Variants in RBFOX1 observed in about 807,000 individuals in gnomAD.
RBFOX1 encodes RNA binding protein fox-1 homolog 1.
RBFOX1 carries 8 observed loss-of-function variants against 57.7 expected under a neutral mutation model. The observed-to-expected ratio is 0.14, with a 90% CI of 0.08 to 0.25. RBFOX1 has a LOEUF of 0.25. Among genes scored for constraint, RBFOX1 ranks in the 10% least tolerant of loss-of-function variants. The pLI, the probability that RBFOX1 is intolerant of heterozygous loss-of-function variation, is 1.00. For missense variants in RBFOX1, 611 were observed against 548.5 expected (o/e 1.11, Z -1.14); for synonymous variants, 326 against 222.4 (o/e 1.47, Z -4.15).
At chr16:6,505,795 G>C (rs1425748175) in intron 2 of RBFOX1, among the ~76,000 whole-genome samples, 1 of 152,186 alleles carries the variant, frequency 6.6e-6, no homozygotes, top group Non-Finnish European at 1.5e-5. Flanking sequence ...CTTGGAGGCA[G>C]TGGTTCTGAT....
chr16:5,621,506 C>G (rs78992359), intron 3 of RBFOX1, among the ~76,000 whole-genome samples: 1 of 152,056 alleles, frequency 6.6e-6, no homozygotes, highest in Non-Finnish European at 1.5e-5. Flanking sequence ...CTATCAACCA[C>G]GGATGAATTG....
At chr16:6,948,245 A>G (rs1456762170) in intron 3 of RBFOX1, among the ~76,000 whole-genome samples, 3 of 152,236 alleles carry the variant, frequency 2.0e-5, no homozygotes, top group Admixed American at 6.5e-5. Context: ...CAGCCTGGGC[A>G]ATATTATGAG....
At chr16:5,769,268 G>A (rs1003344374) in intron 3 of RBFOX1, among the ~76,000 whole-genome samples, 2 of 151,918 alleles carry the variant, frequency 1.3e-5, no homozygotes, top group Non-Finnish European at 2.9e-5. Context: ...TTGGAGACAG[G>A]GTGTTTATGG....
At chr16:5,336,390 C>A (rs1314824661) in intron 1 of RBFOX1, among the ~76,000 whole-genome samples, 1 of 152,204 alleles carries the variant, frequency 6.6e-6, no homozygotes, top group Non-Finnish European at 1.5e-5. Context: ...TGAATCCCCA[C>A]TATCCTCATC....
Position 6,596,569 on chromosome 16 carries a change from G to C in RBFOX1, c.-63-58034G>C, listed in dbSNP as rs375881099. 7.0e-5 allele frequency among the ~76,000 whole-genome samples: 10 copies of C among 143,314 alleles called. No individual in the cohort carries two copies. In the East Asian group the frequency reaches 1.9e-3, roughly 28 times the overall value. 94.0% of individuals were successfully genotyped at this position (143,314 alleles called of 152,430 possible). On this transcript the variant is annotated intron_variant, in intron 2 of 15. Coordinates refer to ENST00000550418, the MANE Select transcript of RBFOX1 (RefSeq NM_018723.4). ...CATCAGCCTCAACTCTAGGATAAGA[G>C]ATGGGTAATTCTTAATGAGAACAGA...
intron 4 of RBFOX1, among the ~76,000 whole-genome samples, chr16:5,964,759 G>GTATA (rs146848508): frequency 4.0e-5 from 6 of 149,324 alleles, no homozygotes; most frequent in East Asian, 2.0e-4. Flanking sequence ...GTGTGTATAT[G>GTATA]TATATATATA....
chr16:6,585,235 C>T (rs2097591119), intron 2 of RBFOX1, among the ~76,000 whole-genome samples: 1 of 152,212 alleles, frequency 6.6e-6, no homozygotes, highest in Non-Finnish European at 1.5e-5. Flanking sequence ...TATCATCTTT[C>T]CTATCTTACA....
chr16:6,089,609 G>A (rs915216643), intron 1 of RBFOX1, among the ~76,000 whole-genome samples: 14 of 152,170 alleles, frequency 9.2e-5, no homozygotes, highest in Admixed American at 2.0e-4. Context: ...ATATTGCTGG[G>A]GCGGGTCTTT....
chr16:7,093,447 T>G (rs531965227), intron 4 of RBFOX1, among the ~76,000 whole-genome samples: 11 of 152,192 alleles, frequency 7.2e-5, no homozygotes, highest in Non-Finnish European at 1.3e-4. Context: ...AGTCACATCT[T>G]TAATGTTGCT....
intron 1 of RBFOX1, among the ~76,000 whole-genome samples, chr16:6,064,992 C>T (rs2053937): frequency 0.93 from 140,696 of 151,826 alleles, 65,252 homozygotes; most frequent in African/African-American, 0.96. Context: ...CCCTACGTGA[C>T]TGTTTTTCTA....
At chr16:5,497,539 G>A (rs921321566) in intron 2 of RBFOX1, among the ~76,000 whole-genome samples, 2 of 151,500 alleles carry the variant, frequency 1.3e-5, no homozygotes, top group African/African-American at 2.4e-5. Flanking sequence ...CTTTGGGAGG[G>A]TGAGAGGCGG....
At chr16:5,792,613 T>C (rs998623789) in intron 3 of RBFOX1, among the ~76,000 whole-genome samples, 1 of 152,018 alleles carries the variant, frequency 6.6e-6, no homozygotes, top group Admixed American at 6.6e-5. Flanking sequence ...GAGGCTGAGG[T>C]GGGTGGATCA....
intron 2 of RBFOX1, among the ~76,000 whole-genome samples, chr16:5,554,273 T>A (rs148859243): frequency 5.3e-5 from 8 of 152,098 alleles, no homozygotes; most frequent in African/African-American, 1.9e-4. Context: ...GCCTGGCCTT[T>A]TTCTATGTAT....
intron 2 of RBFOX1, among the ~76,000 whole-genome samples, chr16:6,510,911 T>C (rs2096243243): frequency 6.6e-6 from 1 of 151,826 alleles, no homozygotes; most frequent in South Asian, 2.1e-4. Flanking sequence ...AGTGGCTGAC[T>C]CATAATTTTA....
chr16:6,980,165 G>T (rs188267151), intron 3 of RBFOX1, among the ~76,000 whole-genome samples: 2 of 152,098 alleles, frequency 1.3e-5, no homozygotes, highest in Non-Finnish European at 2.9e-5. Context: ...TTAAGCCTCC[G>T]CAGTTAGGAT....
At chr16:5,820,439 G>A (rs2055804002) in intron 3 of RBFOX1, among the ~76,000 whole-genome samples, 1 of 152,178 alleles carries the variant, frequency 6.6e-6, no homozygotes, top group Non-Finnish European at 1.5e-5. Context: ...CACGTGGCTG[G>A]ACCGTGCCGG....
intron 2 of RBFOX1, among the ~76,000 whole-genome samples, chr16:6,363,493 GT>G (rs1352204852): frequency 1.3e-5 from 2 of 152,172 alleles, no homozygotes; most frequent in African/African-American, 4.8e-5. Context: ...TTACTTATTT[GT>G]TTAAATAATT....
intron 1 of RBFOX1, among the ~76,000 whole-genome samples, chr16:6,063,168 C>T (rs926467136): frequency 6.6e-6 from 1 of 152,074 alleles, no homozygotes; most frequent in Non-Finnish European, 1.5e-5. Flanking sequence ...ACCATCCCAG[C>T]ATCCTTTATC....
At chr16:5,430,291 C>T (rs2067691240) in intron 1 of RBFOX1, among the ~76,000 whole-genome samples, 1 of 152,064 alleles carries the variant, frequency 6.6e-6, no homozygotes, top group Non-Finnish European at 1.5e-5. Context: ...GGAGGCCTCT[C>T]AAAGTGACAC....
Sources: gnomAD v4.1 joint callset for allele counts (sites outside exome capture counted in the v4.1 genomes callset) on GRCh38, gnomAD v4.1.1 for gene constraint, MANE v1.5 for transcripts, NCBI Gene and HGNC (gene_info 2026-07-23, HGNC 2026-07-21) for gene names.